The following FAM120A variants were observed in gnomAD, a reference collection of about 807,000 sequenced individuals.
FAM120A encodes family with sequence similarity 120 member A, also known as constitutive coactivator of PPAR-gamma-like protein 1.
In FAM120A, 15 loss-of-function variants were observed where a neutral mutation model predicts 109.7. That is an observed-to-expected ratio of 0.14 (90% confidence interval 0.09 to 0.21). The LOEUF is 0.21. Among genes scored for constraint, FAM120A ranks in the 10% least tolerant of loss-of-function variants. The pLI is 1.00. For missense variants in FAM120A, 899 were observed against 1,439.3 expected, an observed-to-expected ratio of 0.62 and a Z score of 6.07; for synonymous variants, 493 against 572.8, an observed-to-expected ratio of 0.86 and a Z score of 1.99.
At position 93,452,584 on chromosome 9, in the gene FAM120A, C is replaced by T. The variant is rs1857305082; in HGVS notation, c.474+195C>T. 1 of 1,597,042 alleles carries T rather than the reference C, an allele frequency of 6.3e-7. No individual in the cohort carries two copies. The highest frequency in any genetic ancestry group is 1.3e-5 in the African/African-American group (1 of 74,874). On this transcript the variant is annotated intron_variant, in intron 1 of 17. Coordinates refer to ENST00000277165, the MANE Select transcript of FAM120A (RefSeq NM_014612.5). The surrounding 1 kb of genome is among the most constrained non-coding windows in gnomAD (Gnocchi z 7.0). ...GGTGCAGGCCGCGCGCTGCCCAAGC[C>T]CGTCTCCAGCTGTCCCTGTTCGGGG...
intron 1 of FAM120A, among the ~76,000 whole-genome samples, chr9:93,456,118 A>G (rs1230263091): frequency 2.0e-5 from 3 of 152,204 alleles, no homozygotes; most frequent in South Asian, 4.1e-4. Context: ...TGGCCTATGT[A>G]TTGACTAGTT....
intron 11 of FAM120A, among the ~76,000 whole-genome samples, chr9:93,548,118 T>A (rs999975709): frequency 6.6e-6 from 1 of 152,074 alleles, no homozygotes; most frequent in Non-Finnish European, 1.5e-5. Flanking sequence ...AAAAAAATTT[T>A]TTTTTGAGAT....
chr9:93,477,943 C>A (rs1423948544), intron 3 of FAM120A, among the ~76,000 whole-genome samples: 1 of 152,158 alleles, frequency 6.6e-6, no homozygotes, highest in African/African-American at 2.4e-5. Context: ...CGTATATCCC[C>A]CATCTTGGTT....
chr9:93,556,022 T>C (rs1862270087), intron 12 of FAM120A, among the ~76,000 whole-genome samples: 1 of 152,170 alleles, frequency 6.6e-6, no homozygotes, highest in African/African-American at 2.4e-5. Context: ...TGAAGTGTTA[T>C]TTTACGAAGA....
chr9:93,537,174 G>T (rs922602937), intron 10 of FAM120A, among the ~76,000 whole-genome samples: 1 of 152,162 alleles, frequency 6.6e-6, no homozygotes, highest in Non-Finnish European at 1.5e-5. Flanking sequence ...TCTTCTACTC[G>T]TTCCTGTGGT....
Position 93,527,713 on chromosome 9 carries a change from C to T in FAM120A, c.1506+471C>T, listed in dbSNP as rs1807920461. ...TCTCAGCTCACTGAAACCTCTGCCC[C>T]CTGGGTTCAAGCAATTCTCCTGGCT... On this transcript the variant is annotated intron_variant, in intron 8 of 17. Transcript: ENST00000277165. Among the ~76,000 whole-genome samples the T allele has an allele frequency of 2.0e-5, 3 of 150,344 alleles. No homozygotes were observed. In the South Asian group the frequency reaches 6.3e-4, roughly 32 times the overall value.
intron 16 of FAM120A, among the ~76,000 whole-genome samples, chr9:93,562,004 C>T (rs962541461): frequency 3.3e-5 from 5 of 152,140 alleles, no homozygotes; most frequent in African/African-American, 4.8e-5. Flanking sequence ...ATTATTGGAA[C>T]GCAAAGCATG....
At chr9:93,466,475 C>T (rs182666515) in intron 1 of FAM120A, among the ~76,000 whole-genome samples, 5 of 152,058 alleles carry the variant, frequency 3.3e-5, no homozygotes, top group African/African-American at 7.2e-5. Context: ...TCTGGACCTA[C>T]GAGATGCTTT....
In FAM120A at chr9:93,538,916, G is replaced by A. The variant is rs530079373; in HGVS notation, c.1910-4306G>A. On this transcript the variant is annotated intron_variant, in intron 10 of 17. Coordinates refer to ENST00000277165, the MANE Select transcript of FAM120A (RefSeq NM_014612.5). ...AGCTTAAGTACGATAGTATTTTATGGCCCCAAATTGTATTTTGAAGGGGTG... is the reference window on the plus strand; with the variant it reads ...AGCTTAAGTACGATAGTATTTTATGACCCCAAATTGTATTTTGAAGGGGTG... Among the ~76,000 whole-genome samples, 4 of 152,124 alleles carry A rather than the reference G, an allele frequency of 2.6e-5. No individual in the cohort carries two copies. In the East Asian group the frequency reaches 7.7e-4, roughly 29 times the overall value.
At chr9:93,474,577 G>A (rs545213298) in intron 2 of FAM120A, among the ~76,000 whole-genome samples, 46 of 151,796 alleles carry the variant, frequency 3.0e-4, no homozygotes, top group South Asian at 1.3e-3. Flanking sequence ...CCAAAATTTC[G>A]GACACTTCGT....
intron 3 of FAM120A, among the ~76,000 whole-genome samples, chr9:93,492,503 T>C (rs1471915019): frequency 6.6e-6 from 1 of 152,188 alleles, no homozygotes; most frequent in Non-Finnish European, 1.5e-5. Context: ...ACAGCACCTC[T>C]GACTCCTCCT....
In FAM120A at chr9:93,532,145, C is replaced by G; in HGVS notation, c.1735-10C>G. On this transcript the variant is annotated splice_polypyrimidine_tract_variant and intron_variant, in intron 9 of 17. Coordinates refer to ENST00000277165, the MANE Select transcript of FAM120A (RefSeq NM_014612.5). This position sits in a 1 kb window ranked among gnomAD's most constrained non-coding sequence, Gnocchi z 4.3. Reference sequence around the variant, plus strand: ...ATGTGCAATGTTATTCTGCTTTCTTCCATGCAAAGGGTGAAATCAAAATTG... The same window carrying G: ...ATGTGCAATGTTATTCTGCTTTCTTGCATGCAAAGGGTGAAATCAAAATTG... The G allele has an allele frequency of 6.2e-7, 1 of 1,612,222 alleles. No individual in the cohort carries two copies. The highest frequency in any genetic ancestry group is 8.5e-7 in the Non-Finnish European group (1 of 1,178,758).
In FAM120A at chr9:93,498,947, A is replaced by G; in HGVS notation, c.1030+61A>G. ...TATGATAATCCAAGTAGGTTTAAAT[A>G]TTCACCATATAATCTTGTAGGTTTA... is the stretch of plus-strand genomic sequence containing the variant. On this transcript the variant is annotated intron_variant, in intron 5 of 17. Transcript: ENST00000277165. This position sits in a 1 kb window ranked among gnomAD's most constrained non-coding sequence, Gnocchi z 4.4. The G allele has an allele frequency of 9.8e-7, 1 of 1,024,764 alleles. No individual in the cohort carries two copies. Among genetic ancestry groups the G allele is most frequent in the South Asian group, 1.3e-5 (1 of 77,776 alleles). 63.5% of individuals were successfully genotyped at this position (1,024,764 alleles called of 1,614,324 possible). A position where few individuals can be genotyped will look rare whatever the true frequency, so the allele number is the denominator to read the frequency against.
At chr9:93,555,327 A>T (rs1207936991) in intron 12 of FAM120A, among the ~76,000 whole-genome samples, 1 of 152,202 alleles carries the variant, frequency 6.6e-6, no homozygotes, top group Non-Finnish European at 1.5e-5. Flanking sequence ...GTGAAAATTT[A>T]AAAAAAGGTT....
chr9:93,560,201 G>A (rs796308452), intron 15 of FAM120A, among the ~76,000 whole-genome samples: 19 of 152,074 alleles, frequency 1.2e-4, no homozygotes, highest in African/African-American at 3.9e-4. Flanking sequence ...AGGCTGAGGC[G>A]GGAGGATCGC....
At chr9:93,516,550 G>A (rs1444803242) in intron 7 of FAM120A, among the ~76,000 whole-genome samples, 2 of 152,300 alleles carry the variant, frequency 1.3e-5, no homozygotes, top group South Asian at 2.1e-4. Context: ...GAACTGGTTT[G>A]TGTGATGACC....
intron 5 of FAM120A, among the ~76,000 whole-genome samples, chr9:93,503,681 G>A (rs1036337753): frequency 7.9e-5 from 12 of 152,100 alleles, no homozygotes; most frequent in East Asian, 1.9e-4. Flanking sequence ...TCCAGAATAC[G>A]TACAGCACCA....
intron 1 of FAM120A, among the ~76,000 whole-genome samples, chr9:93,466,802 T>C (rs1858042461): frequency 6.6e-6 from 1 of 152,160 alleles, no homozygotes; most frequent in Admixed American, 6.5e-5. Flanking sequence ...ATTCTAGCCT[T>C]CTCCTTTTGC....
chr9:93,554,849 G>A (rs1413755500), intron 12 of FAM120A, among the ~76,000 whole-genome samples: 2 of 152,214 alleles, frequency 1.3e-5, no homozygotes, highest in Non-Finnish European at 2.9e-5. Flanking sequence ...AGAGAGAGGG[G>A]CACGGAGGCC....
Sources: allele counts gnomAD v4.1 joint callset (sites outside exome capture counted in the v4.1 genomes callset), GRCh38; gene constraint gnomAD v4.1.1; non-coding constraint Gnocchi (gnomAD v3.1); transcripts MANE v1.5; gene names NCBI Gene and HGNC (gene_info 2026-07-23, HGNC 2026-07-21).